ZNF804A: variants seen among roughly 807,000 people sequenced by gnomAD.
ZNF804A encodes zinc finger protein 804A.
A neutral mutation model predicts 16.5 loss-of-function variants in ZNF804A; 2 were observed. That is an observed-to-expected ratio of 0.12 (90% confidence interval 0.05 to 0.38). The LOEUF (loss-of-function observed/expected upper bound fraction) is 0.38. ZNF804A is among the 10% of genes least tolerant of loss of function. ZNF804A has a pLI of 0.99. For missense variants in ZNF804A, 1,473 were observed against 1,390.7 expected, an observed-to-expected ratio of 1.06 and a Z score of -0.94; for synonymous variants, 534 against 489.6, an observed-to-expected ratio of 1.09 and a Z score of -1.20.
intron 2 of ZNF804A, among the ~76,000 whole-genome samples, chr2:184,906,202 C>G (rs948371783): frequency 6.6e-6 from 1 of 152,044 alleles, no homozygotes; most frequent in Non-Finnish European, 1.5e-5. Flanking sequence ...GTTAAGTTGC[C>G]CCTGTTTTGT....
chr2:184,823,403 G>T (rs1363666999), intron 1 of ZNF804A, among the ~76,000 whole-genome samples: 1 of 152,100 alleles, frequency 6.6e-6, no homozygotes, highest in African/African-American at 2.4e-5. Context: ...AGCGATCATA[G>T]AAGTTCTCTG....
chr2:184,706,059 C>A (rs906574442), intron 1 of ZNF804A, among the ~76,000 whole-genome samples: 1 of 152,170 alleles, frequency 6.6e-6, no homozygotes, highest in Non-Finnish European at 1.5e-5. Flanking sequence ...TTCTCTCCCC[C>A]ACACCCCCAT....
At chr2:184,600,311 T>C (rs1691024824) in intron 1 of ZNF804A, among the ~76,000 whole-genome samples, 1 of 152,256 alleles carries the variant, frequency 6.6e-6, no homozygotes, top group Non-Finnish European at 1.5e-5. Flanking sequence ...TTCATTCTTT[T>C]TACTTGAATC....
At position 184,938,866 on chromosome 2, in the gene ZNF804A, C is replaced by T; in HGVS notation, c.3470C>T (p.Pro1157Leu). The stretch of plus-strand genomic sequence containing the variant: ...GGACCAGTAGGACCGAGGCTTTGTC[C>T]TGGGAACCAGCCAACTTTTGTTGCT... ...SVGPVGPRLC[P>L]GNQPTFVAPP... is the part of the protein sequence containing the mutation. The change falls in exon 4 of 4, where the codon CCT becomes CTT. Residue 1157 changes from proline (P) to leucine (L), a missense_variant. By Grantham distance (98) the Pro-to-Leu change is moderately conservative. Transcript: ENST00000302277. The T allele has an allele frequency of 6.2e-7, 1 of 1,614,020 alleles. No homozygotes were observed. The highest frequency in any genetic ancestry group is 2.2e-5 in the East Asian group (1 of 44,832).
intron 1 of ZNF804A, among the ~76,000 whole-genome samples, chr2:184,790,817 A>G (rs1432637500): frequency 6.6e-6 from 1 of 151,866 alleles, no homozygotes; most frequent in African/African-American, 2.4e-5. Context: ...GTTAGCCAGG[A>G]TGGTCTCGAT....
At chr2:184,706,564 G>C (rs1559131130) in intron 1 of ZNF804A, among the ~76,000 whole-genome samples, 3 of 152,134 alleles carry the variant, frequency 2.0e-5, no homozygotes, top group Admixed American at 2.0e-4. Flanking sequence ...AGATGACTGA[G>C]CCTCTGGCTT....
intron 2 of ZNF804A, among the ~76,000 whole-genome samples, chr2:184,888,500 C>T (rs1015175329): frequency 7.9e-5 from 12 of 152,156 alleles, no homozygotes; most frequent in African/African-American, 2.7e-4. Flanking sequence ...CAATTTGGTT[C>T]TCTGATCTCT....
intron 1 of ZNF804A, among the ~76,000 whole-genome samples, chr2:184,832,774 TA>T (rs1695284941): frequency 6.6e-6 from 1 of 152,046 alleles, no homozygotes. Flanking sequence ...TTTAATGTTT[TA>T]AATGTACATC....
chr2:184,769,589 A>T (rs1201635405), intron 1 of ZNF804A, among the ~76,000 whole-genome samples: 1 of 152,096 alleles, frequency 6.6e-6, no homozygotes, highest in East Asian at 1.9e-4. Flanking sequence ...TAGTGTCTAC[A>T]AAGTTGCAAA....
chr2:184,704,545 G>A (rs1328448536), intron 1 of ZNF804A, among the ~76,000 whole-genome samples: 1 of 152,184 alleles, frequency 6.6e-6, no homozygotes, highest in African/African-American at 2.4e-5. Context: ...TATAGTTTAG[G>A]TTAAGTTCTT....
chr2:184,783,935 G>C (rs1318071465), intron 1 of ZNF804A, among the ~76,000 whole-genome samples: 2 of 151,928 alleles, frequency 1.3e-5, no homozygotes, highest in East Asian at 3.9e-4. Context: ...ATAATTTTAA[G>C]ACAATCACCA....
At chr2:184,901,912 G>A (rs150193771) in intron 2 of ZNF804A, among the ~76,000 whole-genome samples, 68 of 151,658 alleles carry the variant, frequency 4.5e-4, no homozygotes, top group African/African-American at 1.2e-3. Context: ...ATCACATGAC[G>A]CTTTCTTATT....
chr2:184,875,039 T>G (rs549680973), intron 2 of ZNF804A, among the ~76,000 whole-genome samples: 1 of 152,328 alleles, frequency 6.6e-6, no homozygotes, highest in South Asian at 2.1e-4. Context: ...ACTGTCCTGA[T>G]TTAATTATGA....
At chr2:184,720,558 T>C (rs1210076621) in intron 1 of ZNF804A, among the ~76,000 whole-genome samples, 3 of 151,990 alleles carry the variant, frequency 2.0e-5, no homozygotes, top group Non-Finnish European at 4.4e-5. Context: ...ACCAAGGAGA[T>C]AAAAGACCTC....
At chr2:184,920,583 G>T (rs1220756806) in intron 2 of ZNF804A, among the ~76,000 whole-genome samples, 1 of 152,024 alleles carries the variant, frequency 6.6e-6, no homozygotes, top group Non-Finnish European at 1.5e-5. Context: ...TTTTCTAACT[G>T]ACAAAACACG....
chr2:184,631,925 CAG>C (rs1691617218), intron 1 of ZNF804A, among the ~76,000 whole-genome samples: 1 of 152,134 alleles, frequency 6.6e-6, no homozygotes, highest in African/African-American at 2.4e-5. Flanking sequence ...GGGGATCAAA[CAG>C]AAATATTCCT....
intron 3 of ZNF804A, 43 bp downstream of exon 3, chr2:184,933,776 A>C: frequency 2.5e-6 from 4 of 1,577,166 alleles, no homozygotes; most frequent in Non-Finnish European, 3.4e-6. Flanking sequence ...AAACATGACC[A>C]AAAAAGGGGT....
intron 1 of ZNF804A, among the ~76,000 whole-genome samples, chr2:184,603,692 A>T (rs1166917619): frequency 1.3e-5 from 2 of 152,204 alleles, no homozygotes; most frequent in Non-Finnish European, 2.9e-5. Flanking sequence ...CTCAGGGGTG[A>T]GGGTGGATTA....
chr2:184,714,198 A>G (rs1442060782), intron 1 of ZNF804A, among the ~76,000 whole-genome samples: 2 of 152,034 alleles, frequency 1.3e-5, no homozygotes, highest in Non-Finnish European at 2.9e-5. Flanking sequence ...GAATTAAAAT[A>G]CAAAAGTCAT....
Sources: gnomAD v4.1 joint callset for allele counts (sites outside exome capture counted in the v4.1 genomes callset) on GRCh38, gnomAD v4.1.1 for gene constraint, MANE v1.5 for transcripts, NCBI Gene and HGNC (gene_info 2026-07-23, HGNC 2026-07-21) for gene names.